Variants in GAS2L3 observed in about 807,000 individuals in gnomAD.
GAS2L3 encodes growth arrest specific 2 like 3.
GAS2L3 carries 28 observed loss-of-function variants against 37.0 expected under a neutral mutation model. The observed-to-expected ratio is 0.76, with a 90% CI of 0.56 to 1.04. The LOEUF is 1.04. Among genes scored for constraint, GAS2L3 ranks in the 50% least tolerant of loss-of-function variants. The pLI is 0.00. For missense variants in GAS2L3, 793 were observed against 817.6 expected, an observed-to-expected ratio of 0.97 and a Z score of 0.37; for synonymous variants, 290 against 296.6, an observed-to-expected ratio of 0.98 and a Z score of 0.23.
At chr12:100,623,458 T>C (rs1156370681) in intron 9 of GAS2L3, 104 bp from the exon 10 acceptor site, 2 of 1,036,226 alleles carry the variant, frequency 1.9e-6, no homozygotes, top group African/African-American at 1.6e-5. Context: ...GCAAATGCTC[T>C]GAATTTTATA....
rs559359880 is a variant in GAS2L3 at position 100,604,138 on chromosome 12, ACAT to A, written c.303+2389_303+2391del. On this transcript the variant is annotated intron_variant, in intron 5 of 9. Transcript: ENST00000547754. ...GATCTTTTTTCCATTTCTATGAAAA[ACAT>A]CATTGGTATTTTGATAAGTATTGCA... Among the ~76,000 whole-genome samples the A allele has an allele frequency of 2.5e-4, 38 of 152,072 alleles. 1 individual carries two copies. The South Asian group carries it at 7.3e-3, about 29-fold the overall frequency.
At chr12:100,594,273 C>G (rs2136436211) in intron 2 of GAS2L3, among the ~76,000 whole-genome samples, 1 of 151,650 alleles carries the variant, frequency 6.6e-6, no homozygotes, top group African/African-American at 2.4e-5. Flanking sequence ...TATTTTTTTT[C>G]CATGTAGATT....
chr12:100,591,026 A>G lies in GAS2L3; in HGVS notation c.-151-710A>G, dbSNP rs567315880. On this transcript the variant is annotated intron_variant, in intron 1 of 9. Coordinates refer to ENST00000547754, the MANE Select transcript of GAS2L3 (RefSeq NM_174942.3). ...ATGCACCAAAATCTCACAAATCACC[A>G]CTAAAAAACTTACTCATGTAACCAA... 1.2e-3 allele frequency among the ~76,000 whole-genome samples: 180 copies of G among 152,300 alleles called. 2 individuals are homozygous for G. Among genetic ancestry groups the G allele is most frequent in the Admixed American group, 2.0e-3 (31 of 15,296 alleles).
Position 100,627,542 on chromosome 12 carries a change from C to G in GAS2L3, c.*2652C>G, listed in dbSNP as rs1439716308. ...ATCCACCTGCCTCAGCCTCCCAAAG[C>G]GCTGGGATTACAGGCATGAGCCATC... is the stretch of plus-strand genomic sequence containing the variant. On this transcript the variant is annotated 3_prime_UTR_variant, in exon 10 of 10. Transcript: ENST00000547754. The G allele has an allele frequency of 6.6e-6, 1 of 152,056 alleles. No individual in the cohort carries two copies. Among genetic ancestry groups the G allele is most frequent in the Non-Finnish European group, 1.5e-5 (1 of 68,002 alleles). 9.4% of individuals were successfully genotyped at this position (152,056 alleles called of 1,614,324 possible).
At chr12:100,601,828 G>T in intron 5 of GAS2L3, 75 bp downstream of exon 5, 1 of 684,346 alleles carries the variant, frequency 1.5e-6, no homozygotes, top group Non-Finnish European at 2.4e-6. Context: ...ATCTCTAGAA[G>T]GTTGTAAACT....
At chr12:100,582,956 C>T (rs1955732383) in intron 1 of GAS2L3, among the ~76,000 whole-genome samples, 1 of 152,206 alleles carries the variant, frequency 6.6e-6, no homozygotes, top group African/African-American at 2.4e-5. Context: ...GCTCTTCCAT[C>T]ATGACTTCTC....
At chr12:100,593,227 G>C (rs548058037) in intron 2 of GAS2L3, among the ~76,000 whole-genome samples, 2 of 152,032 alleles carry the variant, frequency 1.3e-5, no homozygotes, top group Admixed American at 6.6e-5. Flanking sequence ...AAAAGCACAT[G>C]CTCATGTATA....
At chr12:100,581,355 G>T (rs1955709513) in intron 1 of GAS2L3, among the ~76,000 whole-genome samples, 1 of 152,112 alleles carries the variant, frequency 6.6e-6, no homozygotes, top group South Asian at 2.1e-4. Context: ...AGAGCCATGG[G>T]TTTTTTAACC....
chr12:100,577,860 G>A (rs1357030179), intron 1 of GAS2L3, among the ~76,000 whole-genome samples: 4 of 152,214 alleles, frequency 2.6e-5, no homozygotes, highest in African/African-American at 7.2e-5. Flanking sequence ...CAAGTGCGAA[G>A]ACCTAGAGGT....
At position 100,623,704 on chromosome 12, in the gene GAS2L3, C is replaced by G; in HGVS notation, c.899C>G (p.Ser300Cys). The change falls in exon 10 of 10, where the codon TCT becomes TGT. Residue 300 changes from serine (S) to cysteine (C), a missense_variant. Transcript: ENST00000547754. Reference protein sequence around the residue: ...QKILAFQKGVSNESVPDSPAR... With the variant: ...QKILAFQKGVCNESVPDSPAR... ...ATTTTAGCATTTCAAAAAGGAGTTT[C>G]TAATGAAAGTGTACCTGATTCGCCT... is the stretch of plus-strand genomic sequence containing the variant. The G allele has an allele frequency of 6.2e-7, 1 of 1,614,036 alleles. No individual in the cohort carries two copies. Among genetic ancestry groups the G allele is most frequent in the South Asian group, 1.1e-5 (1 of 91,074 alleles).
chr12:100,621,903 GAGAGAA>G (rs1374306354), intron 8 of GAS2L3, among the ~76,000 whole-genome samples: 2 of 150,746 alleles, frequency 1.3e-5, no homozygotes, highest in African/African-American at 2.4e-5. Context: ...GAGAGAGAGA[GAGAGAA>G]AGAGAGAGAG....
chr12:100,585,751 A>G (rs1955773160), intron 1 of GAS2L3, among the ~76,000 whole-genome samples: 1 of 152,114 alleles, frequency 6.6e-6, no homozygotes, highest in Non-Finnish European at 1.5e-5. Context: ...CTTAACTCCA[A>G]ATATATGTCA....
rs1955686260 is a variant in GAS2L3, at chr12:100,579,739, T to C, written c.-152+5954T>C. On this transcript the variant is annotated intron_variant, in intron 1 of 9. Coordinates refer to ENST00000547754, the MANE Select transcript of GAS2L3 (RefSeq NM_174942.3). ...GGTTTACAGGTTGTAAGTACCAGGG[T>C]TGGTGGAATTCCTGAGGTGCTTCCG... 10 of 738,434 alleles carry C rather than the reference T, an allele frequency of 1.4e-5. No homozygotes were observed. The Admixed American group carries it at 2.0e-4, about 15-fold the overall frequency. The allele number at this position is 738,434 out of a possible 1,614,324, so 45.7% of individuals were successfully genotyped here.
rs779469446 is a variant in GAS2L3, at chr12:100,623,950, A to T, written c.1145A>T (p.His382Leu). The T allele has an allele frequency of 6.2e-7, 1 of 1,614,056 alleles. No homozygotes were observed. Among genetic ancestry groups the T allele is most frequent in the Non-Finnish European group, 8.5e-7 (1 of 1,179,966 alleles). ...KLPNSPAASS[H>L]PKLKSSKGIT... ...CCAAATTCTCCAGCAGCATCTTCTC[A>T]TCCCAAGCTCAAGTCTTCAAAAGGC... The change falls in exon 10 of 10, where the codon CAT becomes CTT. Residue 382 changes from histidine (H) to leucine (L), a missense_variant. His to Leu is a moderately conservative substitution (Grantham distance 99). Transcript: ENST00000547754.
At chr12:100,617,232 G>A (rs1243505331) in intron 6 of GAS2L3, among the ~76,000 whole-genome samples, 2 of 152,090 alleles carry the variant, frequency 1.3e-5, no homozygotes, top group East Asian at 1.9e-4. Context: ...GAGGATTTTT[G>A]TATCTATATT....
intron 3 of GAS2L3, among the ~76,000 whole-genome samples, chr12:100,597,169 C>T (rs552600089): frequency 1.3e-5 from 2 of 152,008 alleles, no homozygotes; most frequent in South Asian, 2.1e-4. Context: ...TTAATTTATG[C>T]CCTTCTTTCC....
At chr12:100,595,417 G>GT (rs1293595131) in intron 3 of GAS2L3, among the ~76,000 whole-genome samples, 3 of 139,182 alleles carry the variant, frequency 2.2e-5, no homozygotes, top group Non-Finnish European at 4.7e-5. Context: ...TTTTTGTTTT[G>GT]TTTTTTGTGG....
At chr12:100,575,172 T>C (rs1955619691) in intron 1 of GAS2L3, among the ~76,000 whole-genome samples, 1 of 152,148 alleles carries the variant, frequency 6.6e-6, no homozygotes, top group Non-Finnish European at 1.5e-5. Context: ...TCCACGTAAC[T>C]AATTTAGCAC....
intron 8 of GAS2L3, among the ~76,000 whole-genome samples, chr12:100,621,526 A>G (rs1956251712): frequency 6.6e-6 from 1 of 152,068 alleles, no homozygotes; most frequent in African/African-American, 2.4e-5. Context: ...GGCTACTGAA[A>G]CAGAGCATTT....
Sources: allele counts gnomAD v4.1 joint callset (sites outside exome capture counted in the v4.1 genomes callset), GRCh38; gene constraint gnomAD v4.1.1; transcripts MANE v1.5; gene names NCBI Gene and HGNC (gene_info 2026-07-23, HGNC 2026-07-21).